The following TTC28 variants were observed in gnomAD, a reference collection of about 807,000 sequenced individuals.
TTC28 encodes tetratricopeptide repeat domain 28.
In TTC28, 61 loss-of-function variants were observed where a neutral mutation model predicts 198.0. That is an observed-to-expected ratio of 0.31 (90% CI 0.25 to 0.38). The LOEUF (loss-of-function observed/expected upper bound fraction) is 0.38. TTC28 is among the 10% of genes least tolerant of loss of function. The pLI is 1.00. For missense variants in TTC28, 2,678 were observed against 3,164.0 expected, an observed-to-expected ratio of 0.85 and a Z score of 3.69; for synonymous variants, 1,171 against 1,297.8, an observed-to-expected ratio of 0.90 and a Z score of 2.10.
intron 2 of TTC28, among the ~76,000 whole-genome samples, chr22:28,398,590 A>G (rs577623446): frequency 6.6e-6 from 1 of 152,338 alleles, no homozygotes; most frequent in South Asian, 2.1e-4. Flanking sequence ...TGGCCCCTAA[A>G]TGCAAGCCAA....
intron 2 of TTC28, among the ~76,000 whole-genome samples, chr22:28,611,162 C>T (rs1601620526): frequency 6.6e-6 from 1 of 152,092 alleles, no homozygotes; most frequent in Admixed American, 6.6e-5. Context: ...GGATATTATC[C>T]AAGAGAACTT....
rs572599932 is a variant in TTC28, at chr22:28,211,101, C to G, written c.934-47502G>C. Among the ~76,000 whole-genome samples the G allele has an allele frequency of 7.1e-3, 1,076 of 152,190 alleles. 11 individuals carry two copies. Among genetic ancestry groups the G allele is most frequent in the African/African-American group, 0.025 (1,039 of 41,512 alleles). ...AAATGCTGAGAGATTTTGTCACCAC[C>G]AGGCCTGCCCTAAAAGAGCTCCTGA... On this transcript the variant is annotated intron_variant, in intron 5 of 22. Coordinates refer to ENST00000397906, the MANE Select transcript of TTC28 (RefSeq NM_001145418.2).
chr22:28,269,721 GA>G (rs1446083135), intron 5 of TTC28, among the ~76,000 whole-genome samples: 8 of 152,180 alleles, frequency 5.3e-5, no homozygotes, highest in African/African-American at 1.7e-4. Context: ...AGACACTTAT[GA>G]AACAGGAGAG....
At chr22:28,450,539 C>T (rs746737480) in intron 2 of TTC28, among the ~76,000 whole-genome samples, 1 of 152,188 alleles carries the variant, frequency 6.6e-6, no homozygotes, top group African/African-American at 2.4e-5. Flanking sequence ...CACAAGCACA[C>T]ACACAATATA....
intron 12 of TTC28, among the ~76,000 whole-genome samples, chr22:28,067,789 T>C (rs550509815): frequency 1.3e-5 from 2 of 152,324 alleles, no homozygotes; most frequent in Middle Eastern, 3.4e-3. Context: ...TCTGTTATAC[T>C]TTCATTATAG....
chr22:28,114,901 A>T (rs1451082580), intron 6 of TTC28, among the ~76,000 whole-genome samples: 1 of 152,088 alleles, frequency 6.6e-6, no homozygotes, highest in Admixed American at 6.5e-5. Flanking sequence ...AGATATTTTT[A>T]AATGCAGGTA....
chr22:28,625,841 T>C (rs895001904), intron 2 of TTC28, among the ~76,000 whole-genome samples: 2 of 152,154 alleles, frequency 1.3e-5, no homozygotes, highest in Non-Finnish European at 2.9e-5. Flanking sequence ...CATTGAGATA[T>C]ATACACAGAA....
At chr22:28,575,101 C>A (rs927282559) in intron 2 of TTC28, among the ~76,000 whole-genome samples, 11 of 152,084 alleles carry the variant, frequency 7.2e-5, no homozygotes, top group African/African-American at 2.7e-4. Flanking sequence ...AATATTTGCC[C>A]ACTCCAATGT....
intron 5 of TTC28, among the ~76,000 whole-genome samples, chr22:28,241,070 A>T (rs1929620738): frequency 6.6e-6 from 1 of 152,170 alleles, no homozygotes; most frequent in Admixed American, 6.5e-5. Context: ...AAATTACAAA[A>T]GGAAAAAATA....
chr22:28,437,530 C>G (rs1468713501), intron 2 of TTC28, among the ~76,000 whole-genome samples: 4 of 152,152 alleles, frequency 2.6e-5, no homozygotes, highest in Admixed American at 6.5e-5. Flanking sequence ...AAGGAAGAAA[C>G]AGGGTAGGGC....
chr22:28,018,306 C>CG (rs138682), intron 13 of TTC28, among the ~76,000 whole-genome samples: 5,392 of 49,082 alleles, frequency 0.11, 484 homozygotes, highest in Non-Finnish European at 0.14. Flanking sequence ...TGTGCGCGCG[C>CG]GGGGGGGGGG....
At chr22:28,576,376 G>C (rs974229419) in intron 2 of TTC28, among the ~76,000 whole-genome samples, 1 of 151,896 alleles carries the variant, frequency 6.6e-6, no homozygotes, top group Non-Finnish European at 1.5e-5. Flanking sequence ...TGTTGCATTC[G>C]GTTTGCAAGT....
At chr22:28,572,250 G>A (rs143163740) in intron 2 of TTC28, among the ~76,000 whole-genome samples, 2 of 151,938 alleles carry the variant, frequency 1.3e-5, no homozygotes, top group East Asian at 1.9e-4. Flanking sequence ...GCTGAGGCAC[G>A]AGAATCCCTT....
At chr22:28,677,969 T>C (rs2052028356) in intron 1 of TTC28, among the ~76,000 whole-genome samples, 1 of 151,762 alleles carries the variant, frequency 6.6e-6, no homozygotes, top group Admixed American at 6.6e-5. Flanking sequence ...AAAATTTAAA[T>C]TAAAAATTTA....
chr22:28,141,715 C>CA (rs1228960939), intron 6 of TTC28, among the ~76,000 whole-genome samples: 4 of 152,136 alleles, frequency 2.6e-5, no homozygotes, highest in African/African-American at 9.7e-5. Context: ...TCAACTCTGA[C>CA]ATAAGAATAC....
rs866306484 is a variant in TTC28 at position 28,640,325 on chromosome 22, A to G, written c.103-10495T>C. Among the ~76,000 whole-genome samples, 1,126 of 128,390 alleles carry G rather than the reference A, an allele frequency of 8.8e-3. 17 individuals are homozygous for G. Among genetic ancestry groups the G allele is most frequent in the African/African-American group, 0.028 (914 of 32,962 alleles). The allele number at this position is 128,390 out of a possible 152,430, so 84.2% of individuals were successfully genotyped here. On this transcript the variant is annotated intron_variant, in intron 1 of 22. Transcript: ENST00000397906. ...GAAAAAAAGTAAAGGGGGGGGGGGGAAAGATGAGCAATAAGAGACCTAAGT... is the reference window on the plus strand; with the variant it reads ...GAAAAAAAGTAAAGGGGGGGGGGGGGAAGATGAGCAATAAGAGACCTAAGT...
chr22:28,584,842 G>A (rs1211678090), intron 2 of TTC28, among the ~76,000 whole-genome samples: 1 of 152,156 alleles, frequency 6.6e-6, no homozygotes, highest in Non-Finnish European at 1.5e-5. Flanking sequence ...TTAAGGGTTG[G>A]AAAGAAAAAT....
At chr22:28,392,541 C>T (rs1354078017) in intron 2 of TTC28, among the ~76,000 whole-genome samples, 4 of 151,952 alleles carry the variant, frequency 2.6e-5, no homozygotes, top group African/African-American at 7.3e-5. Flanking sequence ...ATATAATCTC[C>T]TGGTGCGCCA....
intron 10 of TTC28, among the ~76,000 whole-genome samples, chr22:28,097,948 T>C (rs1942023921): frequency 6.6e-6 from 1 of 152,182 alleles, no homozygotes; most frequent in African/African-American, 2.4e-5. Context: ...ATTTAATAGA[T>C]AAATTTTTCA....
Sources: gnomAD v4.1 joint callset for allele counts (sites outside exome capture counted in the v4.1 genomes callset) on GRCh38, gnomAD v4.1.1 for gene constraint, MANE v1.5 for transcripts, NCBI Gene and HGNC (gene_info 2026-07-23, HGNC 2026-07-21) for gene names.